CFAP54: variants seen among roughly 807,000 people sequenced by gnomAD.
The protein encoded by CFAP54 is cilia- and flagella-associated protein 54.
CFAP54 carries 290 observed loss-of-function variants against 370.4 expected under a neutral mutation model. The observed-to-expected ratio is 0.78, with a 90% CI of 0.71 to 0.86. The LOEUF is 0.86. Ranked by LOEUF, CFAP54 falls within the 40% of genes least tolerant of loss-of-function variation. CFAP54 has a pLI of 0.00. For missense variants in CFAP54, 3,399 were observed against 3,528.7 expected, an observed-to-expected ratio of 0.96 and a Z score of 0.93; for synonymous variants, 1,206 against 1,236.5, an observed-to-expected ratio of 0.98 and a Z score of 0.52.
At position 96,589,503 on chromosome 12, in the gene CFAP54, C is replaced by G; in HGVS notation, c.3152C>G (p.Pro1051Arg). 1 of 1,505,814 alleles carries G rather than the reference C, an allele frequency of 6.6e-7. No individual in the cohort carries two copies. 93.3% of individuals were successfully genotyped at this position (1,505,814 alleles called of 1,614,324 possible). ...GTTTGGGATTATTTTGTTGCTTCGC[C>G]ACTTCAGGATGAACAATCTGTTATT... Reference protein sequence around the residue: ...SPVWDYFVASPLQDEQSVICL... With the variant: ...SPVWDYFVASRLQDEQSVICL... The change falls in exon 23 of 68, where the codon CCA (proline) becomes CGA (arginine). Residue 1051 changes from proline (P) to arginine (R), a missense_variant. Physicochemically the swap from Pro to Arg is moderately radical, Grantham distance 103. Around this residue, in one of 3 missense-constraint regions of CFAP54, gnomAD observed 2,796 missense variants for 2,869.7 expected, o/e 0.97. Transcript: ENST00000524981.
intron 41 of CFAP54, 131 bp downstream of exon 41, chr12:96,684,866 T>C: frequency 1.1e-6 from 1 of 942,310 alleles, no homozygotes; most frequent in South Asian, 1.6e-5. Flanking sequence ...TACATTTTAT[T>C]CATCAAATGC....
At chr12:96,594,475 G>C in intron 25 of CFAP54, 29 bp downstream of exon 25, 1 of 1,418,074 alleles carries the variant, frequency 7.1e-7, no homozygotes, top group Non-Finnish European at 9.3e-7. Context: ...CCAAGAGAAG[G>C]GAATCTTTAT....
intron 65 of CFAP54, 126 bp downstream of exon 65, chr12:96,818,039 A>G (rs758167548): frequency 1.1e-4 from 70 of 660,394 alleles, no homozygotes; most frequent in Non-Finnish European, 1.5e-4. Flanking sequence ...AGTACGAGAC[A>G]TGACTCAACT....
chr12:96,704,482 A>G (rs868055239), intron 46 of CFAP54, among the ~76,000 whole-genome samples: 2,220 of 122,716 alleles, frequency 0.018, 170 homozygotes, highest in South Asian at 0.053. Context: ...ATATATATAT[A>G]TATATATATA....
At chr12:96,821,309 G>T (rs368374938) in intron 65 of CFAP54, among the ~76,000 whole-genome samples, 1 of 152,124 alleles carries the variant, frequency 6.6e-6, no homozygotes, top group East Asian at 1.9e-4. Context: ...GGGTATGGTG[G>T]TGTCTGAAGA....
At chr12:96,803,657 G>A (rs999203694) in intron 63 of CFAP54, among the ~76,000 whole-genome samples, 9 of 152,140 alleles carry the variant, frequency 5.9e-5, no homozygotes, top group African/African-American at 1.9e-4. Flanking sequence ...GTAACACAAA[G>A]TTTGAACTAT....
chr12:96,514,023 A>C lies in CFAP54; in HGVS notation c.798+979A>C, dbSNP rs369561992. Among the ~76,000 whole-genome samples, 139 of 152,252 alleles carry C rather than the reference A, an allele frequency of 9.1e-4. 3 individuals are homozygous for C. In the South Asian group the frequency reaches 0.028, roughly 30 times the overall value. ...CTGACACTTCTATTGACTTCCCTAC[A>C]ATGTTGGTAGCATTTTTGTCCACGG... On this transcript the variant is annotated intron_variant, in intron 5 of 67. Transcript: ENST00000524981.
At chr12:96,697,301 A>G (rs1188378127) in intron 45 of CFAP54, among the ~76,000 whole-genome samples, 1 of 152,186 alleles carries the variant, frequency 6.6e-6, no homozygotes, top group African/African-American at 2.4e-5. Context: ...ACTCAAGGAA[A>G]CTAACCACAT....
chr12:96,610,794 C>G (rs890444174), intron 26 of CFAP54, among the ~76,000 whole-genome samples: 2 of 152,230 alleles, frequency 1.3e-5, no homozygotes, highest in African/African-American at 4.8e-5. Context: ...TCATTGCTAG[C>G]ACAGCAGTCT....
chr12:96,536,237 A>T (rs192093548), intron 12 of CFAP54, among the ~76,000 whole-genome samples: 1 of 152,308 alleles, frequency 6.6e-6, no homozygotes, highest in East Asian at 1.9e-4. Context: ...TTTGCTGAGG[A>T]TAATGGAGAA....
chr12:96,845,115 G>A (rs1183437544), intron 66 of CFAP54, among the ~76,000 whole-genome samples: 2 of 152,140 alleles, frequency 1.3e-5, no homozygotes, highest in African/African-American at 4.8e-5. Context: ...TCTAGAGCAT[G>A]GAGTATTCCT....
intron 39 of CFAP54, among the ~76,000 whole-genome samples, chr12:96,664,695 A>G (rs1957042672): frequency 1.3e-5 from 1 of 79,108 alleles, no homozygotes; most frequent in Non-Finnish European, 2.5e-5. Flanking sequence ...TTGGGTATAT[A>G]TCTATATATA....
chr12:96,717,439 C>T (rs138253690), intron 48 of CFAP54, among the ~76,000 whole-genome samples: 46 of 152,226 alleles, frequency 3.0e-4, no homozygotes, highest in Admixed American at 7.8e-4. Context: ...TATTAAGTTC[C>T]ATGTTATTTC....
At chr12:96,712,867 G>T (rs957454181) in intron 48 of CFAP54, among the ~76,000 whole-genome samples, 7 of 152,014 alleles carry the variant, frequency 4.6e-5, no homozygotes, top group African/African-American at 1.7e-4. Context: ...AAAATAAAAA[G>T]TAGGCAAAAG....
chr12:96,668,190 C>T (rs1255739043), intron 39 of CFAP54, among the ~76,000 whole-genome samples: 1 of 152,210 alleles, frequency 6.6e-6, no homozygotes, highest in Non-Finnish European at 1.5e-5. Flanking sequence ...CCCACAATTT[C>T]CTGTCTTCTT....
chr12:96,532,300 G>GAGGGAGAAAAGCCT (rs1955447882), intron 9 of CFAP54, among the ~76,000 whole-genome samples: 1 of 152,154 alleles, frequency 6.6e-6, no homozygotes, highest in Non-Finnish European at 1.5e-5. Context: ...CACCTGAGAG[G>GAGGGAGAAAAGCCT]AGGGAGAAAA....
At chr12:96,514,771 G>T (rs1346492677) in intron 5 of CFAP54, among the ~76,000 whole-genome samples, 1 of 152,116 alleles carries the variant, frequency 6.6e-6, no homozygotes, top group Non-Finnish European at 1.5e-5. Flanking sequence ...CCTTGAGTTT[G>T]TCTCTGATAA....
chr12:96,664,725 CTATATATATATATCTATATATATA>C (rs1957049263), intron 39 of CFAP54, among the ~76,000 whole-genome samples: 5 of 72,594 alleles, frequency 6.9e-5, no homozygotes, highest in Non-Finnish European at 1.3e-4. Flanking sequence ...CTATATATAT[CTATATATATATATCTATATATATA>C]TATATCTATA....
chr12:96,536,261 T>C (rs995347701), intron 12 of CFAP54, among the ~76,000 whole-genome samples: 49 of 152,196 alleles, frequency 3.2e-4, no homozygotes, highest in African/African-American at 1.2e-3. Flanking sequence ...CAGCTTTAAG[T>C]AGTAGCTTCC....
Sources: gnomAD v4.1 joint callset for allele counts (sites outside exome capture counted in the v4.1 genomes callset) on GRCh38, gnomAD v4.1.1 for gene constraint, gnomAD v4.1.1 regional missense constraint, MANE v1.5 for transcripts, NCBI Gene and HGNC (gene_info 2026-07-23, HGNC 2026-07-21) for gene names.